Variants in SLC25A53 observed in about 807,000 individuals in gnomAD.
The protein encoded by SLC25A53 is mitochondrial carrier triple repeat protein 6.
Under a neutral mutation model 15.0 loss-of-function variants are expected in SLC25A53, and 5 were observed. The observed-to-expected ratio is 0.33, with a 90% CI of 0.17 to 0.70. The LOEUF (loss-of-function observed/expected upper bound fraction) is 0.70, where lower values mean the gene tolerates loss of function less well. Among genes scored for constraint, SLC25A53 ranks in the 30% least tolerant of loss-of-function variants. SLC25A53 has a pLI of 0.67. For missense variants in SLC25A53, 216 were observed against 241.6 expected, an observed-to-expected ratio of 0.89 and a Z score of 0.70; for synonymous variants, 95 against 100.0, an observed-to-expected ratio of 0.95 and a Z score of 0.30.
chrX:104,105,320 G>A, intron 1 of SLC25A53, 32 bp from the exon 2 acceptor site: 1 of 968,798 alleles, frequency 1.0e-6, no homozygotes, highest in Non-Finnish European at 1.4e-6. Flanking sequence ...AGATTAGACT[G>A]ACCAATTAAT....
chrX:104,142,859 T>TA (rs1296989159), intron 1 of SLC25A53, among the ~76,000 whole-genome samples: 4 of 102,525 alleles, frequency 3.9e-5, no homozygotes, highest in Non-Finnish European at 7.8e-5. Flanking sequence ...AGGCGGAACT[T>TA]ACGGTGAGCC....
intron 1 of SLC25A53, among the ~76,000 whole-genome samples, chrX:104,129,955 A>G (rs1313391119): frequency 9.3e-6 from 1 of 107,445 alleles, no homozygotes; most frequent in Non-Finnish European, 1.9e-5. Context: ...GTATATGGGG[A>G]TTCATTTTAC....
chrX:104,145,656 T>C (rs1433752723), intron 1 of SLC25A53, among the ~76,000 whole-genome samples: 1 of 112,198 alleles, frequency 8.9e-6, no homozygotes, highest in Non-Finnish European at 1.9e-5. Context: ...AACTACAAAC[T>C]ACCATCAGAG....
At chrX:104,134,173 G>T (rs1161855440) in intron 1 of SLC25A53, among the ~76,000 whole-genome samples, 1 of 111,583 alleles carries the variant, frequency 9.0e-6, no homozygotes, top group Non-Finnish European at 1.9e-5. Context: ...GGTCTAACAG[G>T]TTTCCTGTGG....
In SLC25A53 at chrX:104,101,310, G is replaced by C. The variant is rs1400167830; in HGVS notation, c.*3024C>G. The C allele has an allele frequency of 1.8e-5, 2 of 111,414 alleles. No homozygotes were observed. The highest frequency in any genetic ancestry group is 6.5e-5 in the African/African-American group (2 of 30,548). 9.2% of individuals were successfully genotyped at this position (111,414 alleles called of 1,213,427 possible). A position where few individuals can be genotyped will look rare whatever the true frequency, so the allele number is the denominator to read the frequency against. On this transcript the variant is annotated 3_prime_UTR_variant, in exon 2 of 2. Coordinates refer to ENST00000594199, the MANE Select transcript of SLC25A53 (RefSeq NM_001012755.5). ...GGGGTTTTTATGGAAGCTTCATTGCGTAGGCATGATTGATTAAATCATTGG... is the reference window on the plus strand; with the variant it reads ...GGGGTTTTTATGGAAGCTTCATTGCCTAGGCATGATTGATTAAATCATTGG...
At chrX:104,113,885 C>T in intron 1 of SLC25A53, 1 of 454,551 alleles carries the variant, frequency 2.2e-6, no homozygotes, top group Non-Finnish European at 3.6e-6. Context: ...AGGCACTGGG[C>T]AGATATAAAA....
rs552740889 is a variant in SLC25A53, at chrX:104,132,169, A to G, written c.-32+24709T>C. Among the ~76,000 whole-genome samples the G allele has an allele frequency of 5.3e-5, 6 of 112,696 alleles. No individual in the cohort carries two copies. In the East Asian group the frequency reaches 1.4e-3, roughly 26 times the overall value. ...AACCATATAGAAATTAACATTTACTATAATACACTCAAACACATTTTTTTG... is the reference window on the plus strand; with the variant it reads ...AACCATATAGAAATTAACATTTACTGTAATACACTCAAACACATTTTTTTG... On this transcript the variant is annotated intron_variant, in intron 1 of 1. Coordinates refer to ENST00000594199, the MANE Select transcript of SLC25A53 (RefSeq NM_001012755.5).
intron 1 of SLC25A53, among the ~76,000 whole-genome samples, chrX:104,156,066 AAAAGAAAG>A (rs1263377539): frequency 1.9e-5 from 2 of 105,826 alleles, no homozygotes; most frequent in African/African-American, 3.6e-5. Flanking sequence ...AAAAAAAAAA[AAAAGAAAG>A]AAAGAAAGAA....
At chrX:104,134,568 T>A (rs1478329406) in intron 1 of SLC25A53, among the ~76,000 whole-genome samples, 8 of 111,850 alleles carry the variant, frequency 7.2e-5, no homozygotes, top group African/African-American at 2.3e-4. Context: ...TTTATCTCTC[T>A]GTTCCTGTTT....
At chrX:104,109,290 G>A (rs184837438) in intron 1 of SLC25A53, among the ~76,000 whole-genome samples, 2 of 111,823 alleles carry the variant, frequency 1.8e-5, no homozygotes, top group African/African-American at 6.5e-5. Context: ...GTAGGGCACA[G>A]AGATGGGCTC....
At chrX:104,137,777 A>G (rs2075440544) in intron 1 of SLC25A53, among the ~76,000 whole-genome samples, 1 of 111,711 alleles carries the variant, frequency 9.0e-6, no homozygotes, top group African/African-American at 3.3e-5. Context: ...ATCCTTCGTT[A>G]TAAATGTACT....
intron 1 of SLC25A53, among the ~76,000 whole-genome samples, chrX:104,134,313 C>A (rs1301532167): frequency 2.7e-5 from 3 of 111,635 alleles, no homozygotes; most frequent in Non-Finnish European, 5.6e-5. Context: ...TATTTTACTG[C>A]TTGAAACATA....
intron 1 of SLC25A53, chrX:104,115,152 C>G (rs1556360944): frequency 1.7e-6 from 2 of 1,208,406 alleles, no homozygotes; most frequent in East Asian, 3.0e-5. Context: ...AATACACAAC[C>G]CGCTGCTCAT....
At chrX:104,147,553 T>G (rs1263528970) in intron 1 of SLC25A53, among the ~76,000 whole-genome samples, 2 of 102,219 alleles carry the variant, frequency 2.0e-5, no homozygotes, top group African/African-American at 3.5e-5. Flanking sequence ...CCTACTCATC[T>G]GACAAAGGGC....
chrX:104,154,752 T>C (rs1190997747), intron 1 of SLC25A53, among the ~76,000 whole-genome samples: 1 of 112,299 alleles, frequency 8.9e-6, no homozygotes, highest in African/African-American at 3.2e-5. Flanking sequence ...TTCTCACTTG[T>C]ATGTGGAATC....
chrX:104,132,001 T>A (rs2075426710), intron 1 of SLC25A53, among the ~76,000 whole-genome samples: 2 of 111,949 alleles, frequency 1.8e-5, no homozygotes, highest in African/African-American at 3.3e-5. Flanking sequence ...ATCTCTCCTA[T>A]TATACTGAAT....
intron 1 of SLC25A53, among the ~76,000 whole-genome samples, chrX:104,138,187 T>C (rs782369771): frequency 4.0e-4 from 44 of 111,109 alleles, no homozygotes; most frequent in Middle Eastern, 4.6e-3. Context: ...GGCAGGAAGA[T>C]TGCTTGAGGC....
Position 104,101,126 on chromosome X carries a change from A to G in SLC25A53, c.*3208T>C, listed in dbSNP as rs1388244887. The G allele has an allele frequency of 1.8e-5, 2 of 112,151 alleles. No individual in the cohort carries two copies. Among genetic ancestry groups the G allele is most frequent in the Non-Finnish European group, 3.8e-5 (2 of 53,253 alleles). The allele number at this position is 112,151 out of a possible 1,213,427, so 9.2% of individuals were successfully genotyped here. On this transcript the variant is annotated 3_prime_UTR_variant, in exon 2 of 2. Coordinates refer to ENST00000594199, the MANE Select transcript of SLC25A53 (RefSeq NM_001012755.5). ...CTTGGGGAAATACTTAACGTTTACC[A>G]CTTTATTATAAAGGATATATCAAAG...
chrX:104,113,540 TAAAA>T (rs2075360112), intron 1 of SLC25A53: 1 of 112,099 alleles, frequency 8.9e-6, no homozygotes, highest in East Asian at 2.8e-4. Flanking sequence ...AGGCTGCACG[TAAAA>T]TAAAGGCGAA....
Sources: gnomAD v4.1 joint callset for allele counts (sites outside exome capture counted in the v4.1 genomes callset) on GRCh38, gnomAD v4.1.1 for gene constraint, MANE v1.5 for transcripts, NCBI Gene and HGNC (gene_info 2026-07-23, HGNC 2026-07-21) for gene names.